Variants in AMOTL2 observed in about 807,000 individuals in gnomAD.
AMOTL2 encodes the protein angiomotin like 2.
In AMOTL2, 33 loss-of-function variants were observed where a neutral mutation model predicts 78.4. That is an observed-to-expected ratio of 0.42 (90% CI 0.32 to 0.56). AMOTL2 has a LOEUF of 0.56. AMOTL2 is among the 20% of genes least tolerant of loss of function. The pLI is 0.12. For missense variants in AMOTL2, 983 were observed against 1,030.1 expected, an observed-to-expected ratio of 0.95 and a Z score of 0.63; for synonymous variants, 422 against 428.8, an observed-to-expected ratio of 0.98 and a Z score of 0.20.
chr3:134,368,766 C>T (rs1451045722), intron 2 of AMOTL2, among the ~76,000 whole-genome samples: 2 of 152,162 alleles, frequency 1.3e-5, no homozygotes, highest in Admixed American at 6.5e-5. Context: ...TAAGGGCTGC[C>T]TCTGGACTAC....
intron 3 of AMOTL2, among the ~76,000 whole-genome samples, 184 bp downstream of exon 3, chr3:134,367,313 C>T (rs1215235538): frequency 6.6e-6 from 1 of 152,192 alleles, no homozygotes; most frequent in Non-Finnish European, 1.5e-5. Flanking sequence ...GGCTGTTCCC[C>T]AGCTGTCTGG....
rs368009954 is a variant in AMOTL2, at chr3:134,371,405, G to A, written c.29C>T (p.Thr10Ile). ...CTCCTGGATGAGGCGGTGCAGGACT[G>A]TCCCCGAGGAGTCTTCCAGTGTCCT... MRTLEDSSG[T>I]VLHRLIQEQL... The change falls in exon 2 of 10, where the codon ACA becomes ATA. Residue 10 changes from threonine (T) to isoleucine (I), a missense_variant. Coordinates refer to ENST00000249883, the MANE Select transcript of AMOTL2 (RefSeq NM_016201.4). The A allele has an allele frequency of 8.0e-5, 128 of 1,605,240 alleles. No homozygotes were observed. The highest frequency in any genetic ancestry group is 1.1e-4 in the Non-Finnish European group (126 of 1,179,984).
At chr3:134,360,047 G>T in intron 7 of AMOTL2, 59 bp downstream of exon 7, 2 of 1,529,118 alleles carry the variant, frequency 1.3e-6, no homozygotes, top group Non-Finnish European at 8.9e-7. Flanking sequence ...GGGCAGGGCA[G>T]TGACTGGACA....
Position 134,360,178 on chromosome 3 carries a change from T to TG in AMOTL2, c.1810dup (p.Gln604ProfsTer10). 6.2e-7 allele frequency: 1 copy of TG among 1,614,014 alleles called. No homozygotes were observed. The highest frequency in any genetic ancestry group is 8.5e-7 in the Non-Finnish European group (1 of 1,179,954). ...ATTGAAGCTGCTGCTGGGTGAGGGC[T>TG]GGGGGGAATGTCGGATGAGAGTGGT... On this transcript the variant is annotated frameshift_variant, in exon 7 of 10. Coordinates refer to ENST00000249883, the MANE Select transcript of AMOTL2 (RefSeq NM_016201.4). LOFTEE classifies it high-confidence loss of function.
Position 134,358,559 on chromosome 3 carries a change from G to C in AMOTL2, c.2265C>G (p.Ser755Arg), listed in dbSNP as rs2017179271. ...ACTTACCCAGAGAGGCTGCTCTCTG[G>C]CTACTGCTGCACCCCAGAAGGCTGT... The part of the protein sequence containing the change: ...EPDSLLGCSS[S>R]QRAASLDSVA... Residue 755 changes from serine to arginine, a missense_variant, in exon 9 of 10, where the codon AGC becomes AGG. Coordinates refer to ENST00000249883, the MANE Select transcript of AMOTL2 (RefSeq NM_016201.4). 1 of 1,613,826 alleles carries C rather than the reference G, an allele frequency of 6.2e-7. No individual in the cohort carries two copies. Among genetic ancestry groups the C allele is most frequent in the Non-Finnish European group, 8.5e-7 (1 of 1,179,922 alleles).
intron 1 of AMOTL2, chr3:134,373,772 C>G (rs941778676): frequency 1.1e-5 from 11 of 985,352 alleles, no homozygotes; most frequent in Non-Finnish European, 1.3e-5. Flanking sequence ...ATCGCGGGTC[C>G]GCCTCCCTCC....
At chr3:134,372,562 C>CACACACACACACACAA (rs1392836074) in intron 1 of AMOTL2, among the ~76,000 whole-genome samples, 91 of 150,654 alleles carry the variant, frequency 6.0e-4, no homozygotes, top group African/African-American at 2.1e-3. Flanking sequence ...CACACAAACA[C>CACACACACACACACAA]ACACACACGC....
chr3:134,358,798 T>G (rs1357343126), intron 8 of AMOTL2, 79 bp from the exon 9 acceptor site: 3 of 1,539,042 alleles, frequency 1.9e-6, no homozygotes, highest in Admixed American at 3.7e-5. Flanking sequence ...TAACTGTCCC[T>G]GCTGGGGATT....
intron 6 of AMOTL2, 27 bp downstream of exon 6, chr3:134,361,485 C>T: frequency 6.4e-7 from 1 of 1,574,772 alleles, no homozygotes; most frequent in Non-Finnish European, 8.6e-7. Context: ...CAGATGCTGC[C>T]CTAGCCTGGA....
Position 134,371,266 on chromosome 3 carries a change from C to T in AMOTL2, c.168G>A (p.Glu56=). The T allele has an allele frequency of 6.2e-7, 1 of 1,612,906 alleles. No homozygotes were observed. The highest frequency in any genetic ancestry group is 8.5e-7 in the Non-Finnish European group (1 of 1,179,994). Residue 56 remains glutamate, a synonymous_variant, in exon 2 of 10, where the codon GAG becomes GAA. Coordinates refer to ENST00000249883, the MANE Select transcript of AMOTL2 (RefSeq NM_016201.4). ...CCTGACTGTCCTCTGGGGCCAGGAT[C>T]TCCAGGGAGGCCTGGGGGCTCCCTG... ...GGTGSPQASL[E]ILAPEDSQVL...
chr3:134,374,989 C>T (rs2018036524), upstream of AMOTL2: 9 of 1,420,714 alleles, frequency 6.3e-6, no homozygotes, highest in Non-Finnish European at 8.3e-6. Flanking sequence ...TCCATATCCT[C>T]TGGGCTGGGA....
intron 5 of AMOTL2, among the ~76,000 whole-genome samples, chr3:134,362,823 C>G (rs944020124): frequency 1.3e-5 from 2 of 152,202 alleles, no homozygotes; most frequent in Non-Finnish European, 2.9e-5. Context: ...AGGCTGCCCC[C>G]TGAGGAGCAG....
upstream of AMOTL2, chr3:134,375,168 G>A: frequency 1.3e-6 from 2 of 1,534,266 alleles, no homozygotes; most frequent in Non-Finnish European, 1.7e-6. Context: ...TGGAAAATCC[G>A]GTCAATTTGA....
chr3:134,361,940 C>A, intron 5 of AMOTL2, 133 bp from the exon 6 acceptor site: 1 of 798,994 alleles, frequency 1.3e-6, no homozygotes, highest in Middle Eastern at 3.3e-4. Context: ...AATAAGGTAC[C>A]ACTATTAACC....
In AMOTL2 at chr3:134,371,177, A is replaced by G. The variant is rs1271826125; in HGVS notation, c.257T>C (p.Leu86Pro). Reference protein sequence around the residue: ...GQEHQGGENHLAENTLYRLCP... With the variant: ...GQEHQGGENHPAENTLYRLCP... ...TAGCCGGTAGAGGGTGTTCTCTGCC[A>G]GGTGGTTCTCACCGCCCTGGTGCTC... is the stretch of plus-strand genomic sequence containing the variant. Residue 86 changes from leucine (L) to proline (P), a missense_variant, in exon 2 of 10, where the codon CTG (leucine) becomes CCG (proline). Transcript: ENST00000249883. 2 of 1,613,896 alleles carry G rather than the reference A, an allele frequency of 1.2e-6. No homozygotes were observed. Among genetic ancestry groups the G allele is most frequent in the Admixed American group, 1.7e-5 (1 of 60,022 alleles).
chr3:134,359,524 C>A (rs1303872361), intron 7 of AMOTL2, 21 bp from the exon 8 acceptor site: 3 of 1,588,476 alleles, frequency 1.9e-6, no homozygotes, highest in South Asian at 1.1e-5. Flanking sequence ...AGAGGCCATG[C>A]CCACATTGTC....
chr3:134,373,586 C>T, intron 1 of AMOTL2: 1 of 985,472 alleles, frequency 1.0e-6, no homozygotes, highest in Non-Finnish European at 1.2e-6. Flanking sequence ...CCAGCCTTGG[C>T]CTGGGCTCCT....
At chr3:134,374,725 C>T, upstream of AMOTL2, 2 of 986,286 alleles carry the variant, frequency 2.0e-6, no homozygotes, top group Non-Finnish European at 2.4e-6. Context: ...GTGTCCGCCC[C>T]TGCCCCATGC....
intron 3 of AMOTL2, 50 bp from the exon 4 acceptor site, chr3:134,366,477 G>A (rs751707715): frequency 3.8e-6 from 6 of 1,575,864 alleles, no homozygotes; most frequent in African/African-American, 1.4e-5. Flanking sequence ...CTCCCAGGGA[G>A]TGATTCGAGG....
Sources: allele counts gnomAD v4.1 joint callset (sites outside exome capture counted in the v4.1 genomes callset), GRCh38; gene constraint gnomAD v4.1.1; transcripts MANE v1.5; gene names NCBI Gene and HGNC (gene_info 2026-07-23, HGNC 2026-07-21).